Variants in CHSY3 observed in about 807,000 individuals in gnomAD.
CHSY3 encodes N-acetylgalactosaminyl-proteoglycan 3-beta-glucuronosyltransferase 3.
A neutral mutation model predicts 67.2 loss-of-function variants in CHSY3; 35 were observed. The observed-to-expected ratio is 0.52, with a 90% CI of 0.40 to 0.69. The LOEUF (loss-of-function observed/expected upper bound fraction) is 0.69, where lower values mean the gene tolerates loss of function less well. Ranked by LOEUF, CHSY3 falls within the 30% of genes least tolerant of loss-of-function variation. The probability of loss-of-function intolerance (pLI) is 0.00; values close to 1 mark genes in which losing one functional copy is unlikely to be tolerated. For synonymous variants in CHSY3, 474 were observed against 434.7 expected, an observed-to-expected ratio of 1.09 and a Z score of -1.12; for missense variants, 1,069 against 1,138.5, an observed-to-expected ratio of 0.94 and a Z score of 0.88.
intron 2 of CHSY3, among the ~76,000 whole-genome samples, chr5:130,177,681 C>T (rs1308186291): frequency 6.6e-6 from 1 of 152,164 alleles, no homozygotes; most frequent in Non-Finnish European, 1.5e-5. Context: ...AACATATCCT[C>T]TGCCTCAAGG....
chr5:130,053,243 G>A (rs1765420645), intron 2 of CHSY3, among the ~76,000 whole-genome samples: 1 of 152,104 alleles, frequency 6.6e-6, no homozygotes, highest in African/African-American at 2.4e-5. Context: ...AAACTAGGAT[G>A]TAATAGATTT....
Position 129,904,502 on chromosome 5 carries a change from G to T in CHSY3, c.-328G>T. On this transcript the variant is annotated 5_prime_UTR_variant, in exon 1 of 3. Coordinates refer to ENST00000305031, the MANE Select transcript of CHSY3 (RefSeq NM_175856.5). ...GCAGCCTAGGAGCGGACGCGTTGCC[G>T]CCGCCGCTGCTCCTCCTCCTCCTCC... 4.1e-6 allele frequency: 1 copy of T among 242,254 alleles called. No individual in the cohort carries two copies. The highest frequency in any genetic ancestry group is 7.8e-6 in the Non-Finnish European group (1 of 128,456). The allele number at this position is 242,254 out of a possible 1,614,324, so 15.0% of individuals were successfully genotyped here. A position where few individuals can be genotyped will look rare whatever the true frequency, so the allele number is the denominator to read the frequency against.
At chr5:130,044,044 G>A (rs925316311) in intron 2 of CHSY3, among the ~76,000 whole-genome samples, 1 of 152,070 alleles carries the variant, frequency 6.6e-6, no homozygotes, top group African/African-American at 2.4e-5. Context: ...AGAGAGATCA[G>A]AGTTGGAAAT....
chr5:129,977,084 T>G (rs1580604913), intron 2 of CHSY3, among the ~76,000 whole-genome samples: 1 of 152,116 alleles, frequency 6.6e-6, no homozygotes, highest in East Asian at 1.9e-4. Context: ...AAAAATAACC[T>G]TATGGTAGAA....
At chr5:130,098,743 C>G (rs953126306) in intron 2 of CHSY3, among the ~76,000 whole-genome samples, 3 of 151,848 alleles carry the variant, frequency 2.0e-5, no homozygotes, top group African/African-American at 7.3e-5. Flanking sequence ...AAACTAAAAG[C>G]AATAAAATTC....
chr5:130,008,783 G>T (rs1245213701), intron 2 of CHSY3, among the ~76,000 whole-genome samples: 3 of 152,156 alleles, frequency 2.0e-5, no homozygotes. Context: ...TGATCTAATA[G>T]AGGTGAAAAA....
intron 2 of CHSY3, among the ~76,000 whole-genome samples, chr5:129,955,429 C>T (rs1471084313): frequency 1.3e-5 from 2 of 151,576 alleles, no homozygotes; most frequent in African/African-American, 4.8e-5. Context: ...AATATTTTTT[C>T]CCGTCTCCTT....
intron 2 of CHSY3, among the ~76,000 whole-genome samples, chr5:130,027,820 C>T (rs1163767594): frequency 6.6e-6 from 1 of 152,136 alleles, no homozygotes; most frequent in Non-Finnish European, 1.5e-5. Context: ...TTTATGGCTG[C>T]ATAGTATTCC....
intron 2 of CHSY3, among the ~76,000 whole-genome samples, chr5:130,154,820 G>A (rs1344707762): frequency 6.6e-6 from 1 of 152,140 alleles, no homozygotes; most frequent in African/African-American, 2.4e-5. Context: ...ACTACTAAGG[G>A]AGTTAAAGAT....
chr5:129,911,219 C>A (rs1019975125), intron 2 of CHSY3, among the ~76,000 whole-genome samples: 11 of 151,580 alleles, frequency 7.3e-5, no homozygotes, highest in Non-Finnish European at 1.5e-4. Context: ...TTTTAAAAAT[C>A]CAGGATTGAA....
At chr5:129,943,948 T>C (rs182281157) in intron 2 of CHSY3, among the ~76,000 whole-genome samples, 25 of 152,328 alleles carry the variant, frequency 1.6e-4, no homozygotes, top group Admixed American at 7.2e-4. Flanking sequence ...GTGAGTGTTG[T>C]AGTAAAGTTG....
At chr5:130,096,506 T>C (rs140856047) in intron 2 of CHSY3, among the ~76,000 whole-genome samples, 206 of 152,344 alleles carry the variant, frequency 1.4e-3, no homozygotes, top group African/African-American at 4.6e-3. Flanking sequence ...TTAGTTTTGA[T>C]AAATCTTCCA....
chr5:130,037,090 C>T (rs572093020), intron 2 of CHSY3, among the ~76,000 whole-genome samples: 15 of 152,184 alleles, frequency 9.9e-5, no homozygotes, highest in South Asian at 4.2e-4. Flanking sequence ...CATAAAAGAA[C>T]GAAACATGCA....
At position 130,010,222 on chromosome 5, in the gene CHSY3, C is replaced by T. The variant is rs559870328; in HGVS notation, c.1086+101862C>T. Among the ~76,000 whole-genome samples the T allele has an allele frequency of 3.3e-5, 5 of 152,248 alleles. No homozygotes were observed. The East Asian group carries it at 9.7e-4, about 29-fold the overall frequency. ...ATGGCACATACACTAAGATCAACCA[C>T]ACACTCAACCATAAAGCAATTCTCA... On this transcript the variant is annotated intron_variant, in intron 2 of 2. Coordinates refer to ENST00000305031, the MANE Select transcript of CHSY3 (RefSeq NM_175856.5).
intron 2 of CHSY3, among the ~76,000 whole-genome samples, chr5:129,926,996 G>A (rs963933369): frequency 3.3e-5 from 5 of 151,786 alleles, no homozygotes; most frequent in Non-Finnish European, 5.9e-5. Context: ...AAACCTAGGC[G>A]ACCTAATGAA....
chr5:130,010,883 G>C (rs1030756243), intron 2 of CHSY3, among the ~76,000 whole-genome samples: 2 of 151,948 alleles, frequency 1.3e-5, no homozygotes, highest in Non-Finnish European at 2.9e-5. Context: ...AGGAAAAAAT[G>C]GATAAATTCC....
chr5:129,927,835 TTTC>T (rs1761167624), intron 2 of CHSY3, among the ~76,000 whole-genome samples: 1 of 152,014 alleles, frequency 6.6e-6, no homozygotes, highest in South Asian at 2.1e-4. Context: ...GGTTAATCCC[TTTC>T]TTGTTTTCCA....
chr5:129,965,333 A>G (rs1762440497), intron 2 of CHSY3, among the ~76,000 whole-genome samples: 3 of 151,934 alleles, frequency 2.0e-5, no homozygotes, highest in African/African-American at 7.2e-5. Context: ...CAGCTTTGAA[A>G]TCTGTGACAC....
intron 2 of CHSY3, among the ~76,000 whole-genome samples, chr5:129,989,174 G>T (rs1763285835): frequency 6.6e-6 from 1 of 152,078 alleles, no homozygotes; most frequent in African/African-American, 2.4e-5. Context: ...AGATCAAGAG[G>T]CTGCCATTTG....
Sources: gnomAD v4.1 joint callset for allele counts (sites outside exome capture counted in the v4.1 genomes callset) on GRCh38, gnomAD v4.1.1 for gene constraint, MANE v1.5 for transcripts, NCBI Gene and HGNC (gene_info 2026-07-23, HGNC 2026-07-21) for gene names.